ASIC2: variants seen among roughly 807,000 people sequenced by gnomAD.
The protein encoded by ASIC2 is acid-sensing ion channel 2.
In ASIC2, 25 loss-of-function variants were observed where a neutral mutation model predicts 57.3. That is an observed-to-expected ratio of 0.44 (90% CI 0.32 to 0.61). The LOEUF is 0.61. Among genes scored for constraint, ASIC2 ranks in the 20% least tolerant of loss-of-function variants. The pLI is 0.06. For synonymous variants in ASIC2, 319 were observed against 307.5 expected (o/e 1.04, Z -0.39); for missense variants, 641 against 738.1 (o/e 0.87, Z 1.52).
chr17:33,451,319 G>C (rs1178957204), intron 1 of ASIC2, among the ~76,000 whole-genome samples: 2 of 152,124 alleles, frequency 1.3e-5, no homozygotes, highest in East Asian at 3.9e-4. Flanking sequence ...GCCTCCCAAA[G>C]TGCTGGGATT....
chr17:33,953,986 A>G (rs1904658795), intron 1 of ASIC2, among the ~76,000 whole-genome samples: 1 of 152,138 alleles, frequency 6.6e-6, no homozygotes, highest in South Asian at 2.1e-4. Flanking sequence ...TGGGTTTTGG[A>G]GCACATTGCT....
At chr17:34,075,793 C>G (rs1463591112) in intron 1 of ASIC2, among the ~76,000 whole-genome samples, 5 of 151,014 alleles carry the variant, frequency 3.3e-5, no homozygotes, top group African/African-American at 9.7e-5. Context: ...CTCCAGACAT[C>G]CTCACCTCTT....
intron 1 of ASIC2, among the ~76,000 whole-genome samples, chr17:33,437,787 CA>C (rs1039565469): frequency 2.6e-5 from 4 of 151,798 alleles, no homozygotes; most frequent in African/African-American, 4.8e-5. Flanking sequence ...GACCCCATGC[CA>C]AAAAAACAAA....
In ASIC2 at chr17:33,888,149, C is replaced by T. The variant is rs373760396; in HGVS notation, c.555+267829G>A. Among the ~76,000 whole-genome samples, 5 of 152,104 alleles carry T rather than the reference C, an allele frequency of 3.3e-5. No individual in the cohort carries two copies. The East Asian group carries it at 7.7e-4, about 24-fold the overall frequency. On this transcript the variant is annotated intron_variant, in intron 1 of 9. Coordinates refer to the ASIC2 transcript ENST00000359872. ...TAACCCCATCATAAATGGAGAAGCA[C>T]CTATCTATACATACATGTAATGGTT...
chr17:33,554,498 G>T (rs1915845412), intron 1 of ASIC2, among the ~76,000 whole-genome samples: 1 of 152,064 alleles, frequency 6.6e-6, no homozygotes, highest in Non-Finnish European at 1.5e-5. Context: ...AGGGGAAGGG[G>T]TATTTCAAGA....
At chr17:33,203,100 C>T (rs1906939077) in intron 1 of ASIC2, among the ~76,000 whole-genome samples, 1 of 152,188 alleles carries the variant, frequency 6.6e-6, no homozygotes, top group Non-Finnish European at 1.5e-5. Flanking sequence ...CACATTGGCC[C>T]CTTTTGGCTA....
chr17:33,432,349 C>T (rs1450065340), intron 1 of ASIC2, among the ~76,000 whole-genome samples: 1 of 152,174 alleles, frequency 6.6e-6, no homozygotes, highest in East Asian at 1.9e-4. Context: ...GACCTCGTCT[C>T]TACAAAAAGT....
At chr17:33,040,283 T>C (rs1345966339) in intron 3 of ASIC2, among the ~76,000 whole-genome samples, 1 of 152,168 alleles carries the variant, frequency 6.6e-6, no homozygotes, top group African/African-American at 2.4e-5. Flanking sequence ...TCCAATGAAG[T>C]CTCCTCTCTG....
At chr17:34,150,102 T>C (rs1904461110) in intron 1 of ASIC2, among the ~76,000 whole-genome samples, 1 of 152,176 alleles carries the variant, frequency 6.6e-6, no homozygotes, top group Non-Finnish European at 1.5e-5. Flanking sequence ...TAGATGAACC[T>C]GGAGGACACT....
At chr17:34,006,101 A>G (rs931176659) in intron 1 of ASIC2, 5 of 152,272 alleles carry the variant, frequency 3.3e-5, no homozygotes, top group African/African-American at 9.6e-5. Context: ...AAATTGTGAA[A>G]CACGTGAAGG....
chr17:33,282,453 A>C (rs62067934), intron 1 of ASIC2, among the ~76,000 whole-genome samples: 1 of 147,454 alleles, frequency 6.8e-6, no homozygotes, highest in African/African-American at 2.5e-5. Context: ...CTCTGTGTGT[A>C]TGTGTGTGTG....
intron 1 of ASIC2, among the ~76,000 whole-genome samples, chr17:33,207,485 T>C (rs1332957460): frequency 2.0e-5 from 3 of 152,178 alleles, no homozygotes; most frequent in East Asian, 1.9e-4. Flanking sequence ...TAGACCTGTA[T>C]TGTAGACAAG....
chr17:34,135,063 A>T (rs534999106), intron 1 of ASIC2, among the ~76,000 whole-genome samples: 4 of 152,264 alleles, frequency 2.6e-5, no homozygotes, highest in Non-Finnish European at 5.9e-5. Flanking sequence ...GGCTTGTCAG[A>T]ACTCCAAAGC....
At chr17:33,531,708 G>A (rs1915055982) in intron 1 of ASIC2, among the ~76,000 whole-genome samples, 1 of 152,170 alleles carries the variant, frequency 6.6e-6, no homozygotes, top group Non-Finnish European at 1.5e-5. Flanking sequence ...CAAGGAGAGA[G>A]GCCCTTCTTT....
intron 1 of ASIC2, among the ~76,000 whole-genome samples, chr17:33,374,050 C>T (rs920756317): frequency 6.6e-6 from 1 of 152,124 alleles, no homozygotes; most frequent in Non-Finnish European, 1.5e-5. Context: ...GGCTGCAGCA[C>T]AGTAGCATGA....
intron 1 of ASIC2, among the ~76,000 whole-genome samples, chr17:33,651,149 G>A (rs944798407): frequency 6.6e-6 from 1 of 151,808 alleles, no homozygotes; most frequent in Non-Finnish European, 1.5e-5. Context: ...ACACACACAC[G>A]AGTGCCTGCT....
chr17:33,461,804 T>C (rs1030095132), intron 1 of ASIC2, among the ~76,000 whole-genome samples: 5 of 151,826 alleles, frequency 3.3e-5, no homozygotes, highest in African/African-American at 9.7e-5. Context: ...CACACACACA[T>C]GACTAGATAT....
chr17:33,434,057 G>A (rs1911516122), intron 1 of ASIC2, among the ~76,000 whole-genome samples: 1 of 151,836 alleles, frequency 6.6e-6, no homozygotes, highest in African/African-American at 2.4e-5. Context: ...GAGGCAGAAG[G>A]CTTGTCAGTA....
chr17:33,784,417 C>T (rs1178408058), intron 1 of ASIC2, among the ~76,000 whole-genome samples: 2 of 152,088 alleles, frequency 1.3e-5, no homozygotes, highest in Non-Finnish European at 2.9e-5. Context: ...TGATGGTGAA[C>T]CAAGCTTCAG....
Sources: allele counts gnomAD v4.1 joint callset (sites outside exome capture counted in the v4.1 genomes callset), GRCh38; gene constraint gnomAD v4.1.1; transcripts MANE v1.5; gene names NCBI Gene and HGNC (gene_info 2026-07-23, HGNC 2026-07-21).